KLHL29: variants seen among roughly 807,000 people sequenced by gnomAD.
KLHL29 encodes kelch-like protein 29.
KLHL29 carries 21 observed loss-of-function variants against 80.4 expected under a neutral mutation model. That is an observed-to-expected ratio of 0.26 (90% CI 0.19 to 0.38). The LOEUF (loss-of-function observed/expected upper bound fraction) is 0.38, where lower values mean the gene tolerates loss of function less well. Ranked by LOEUF, KLHL29 falls within the 10% of genes least tolerant of loss-of-function variation. The pLI is 1.00. For synonymous variants in KLHL29, 511 were observed against 526.8 expected, an observed-to-expected ratio of 0.97 and a Z score of 0.41; for missense variants, 867 against 1,223.9, an observed-to-expected ratio of 0.71 and a Z score of 4.35.
intron 2 of KLHL29, among the ~76,000 whole-genome samples, chr2:23,525,729 C>G (rs895193178): frequency 9.1e-5 from 5 of 54,780 alleles, no homozygotes; most frequent in African/African-American, 1.8e-4. Context: ...AGCCCCTGCC[C>G]CCCCCCCCCA....
At chr2:23,533,705 T>C (rs1666574334) in intron 2 of KLHL29, among the ~76,000 whole-genome samples, 1 of 152,148 alleles carries the variant, frequency 6.6e-6, no homozygotes, top group African/African-American at 2.4e-5. Context: ...ACAGTGTAAA[T>C]AAGAATTGGG....
intron 3 of KLHL29, among the ~76,000 whole-genome samples, chr2:23,593,564 G>T (rs962743864): frequency 6.6e-6 from 1 of 152,130 alleles, no homozygotes; most frequent in Non-Finnish European, 1.5e-5. Context: ...CTGTGGGGTG[G>T]TTCCTCTCAC....
intron 1 of KLHL29, among the ~76,000 whole-genome samples, chr2:23,390,576 A>G (rs1666294754): frequency 6.6e-6 from 1 of 151,924 alleles, no homozygotes; most frequent in South Asian, 2.1e-4. Flanking sequence ...ATATATAGTT[A>G]TATATACACA....
At chr2:23,467,295 G>C (rs1664379468) in intron 1 of KLHL29, among the ~76,000 whole-genome samples, 1 of 152,210 alleles carries the variant, frequency 6.6e-6, no homozygotes, top group Non-Finnish European at 1.5e-5. Flanking sequence ...TACACACATT[G>C]GTAGAGACCA....
At chr2:23,426,138 G>T (rs1662998154) in intron 1 of KLHL29, among the ~76,000 whole-genome samples, 1 of 152,178 alleles carries the variant, frequency 6.6e-6, no homozygotes, top group South Asian at 2.1e-4. Flanking sequence ...GGTTCTGGAA[G>T]GCTGTGGGAA....
chr2:23,393,906 C>T lies in KLHL29; in HGVS notation c.-154+8126C>T, dbSNP rs192212968. On this transcript the variant is annotated intron_variant, in intron 1 of 13. Coordinates refer to ENST00000486442, the MANE Select transcript of KLHL29 (RefSeq NM_052920.2). ...TGTGTAGCTCTGCTGCCGCCCCTCCCTTCCCCCTGGGCTTGTCTCTACCCT... is the reference window on the plus strand; with the variant it reads ...TGTGTAGCTCTGCTGCCGCCCCTCCTTTCCCCCTGGGCTTGTCTCTACCCT... Among the ~76,000 whole-genome samples, 247 of 152,290 alleles carry T rather than the reference C, an allele frequency of 1.6e-3. 4 individuals carry two copies. The highest frequency in any genetic ancestry group is 5.7e-3 in the African/African-American group (238 of 41,558).
chr2:23,401,938 C>T (rs1666608155), intron 1 of KLHL29, among the ~76,000 whole-genome samples: 1 of 152,232 alleles, frequency 6.6e-6, no homozygotes, highest in Non-Finnish European at 1.5e-5. Flanking sequence ...CTGACTTGAC[C>T]ATGTGCTCCT....
In KLHL29 at chr2:23,559,164, C is replaced by T. The variant is rs543385685; in HGVS notation, c.-45-2988C>T. On this transcript the variant is annotated intron_variant, in intron 2 of 13. Transcript: ENST00000486442. Reference sequence around the variant, plus strand: ...GCAAAAGAGCAGCGTGGACTTGGACCCTGAGCTGAAAGGGGACATGAGGCT... The same window carrying T: ...GCAAAAGAGCAGCGTGGACTTGGACTCTGAGCTGAAAGGGGACATGAGGCT... 5.9e-5 allele frequency among the ~76,000 whole-genome samples: 9 copies of T among 152,168 alleles called. 1 individual carries two copies. The South Asian group carries it at 1.7e-3, about 28-fold the overall frequency.
chr2:23,513,731 A>T (rs1304202479), intron 2 of KLHL29, among the ~76,000 whole-genome samples: 2 of 152,124 alleles, frequency 1.3e-5, no homozygotes, highest in African/African-American at 4.8e-5. Context: ...AGTGCTGGGC[A>T]TTAGGATCGA....
intron 1 of KLHL29, among the ~76,000 whole-genome samples, chr2:23,468,650 C>T (rs942703085): frequency 6.6e-6 from 1 of 152,160 alleles, no homozygotes; most frequent in Non-Finnish European, 1.5e-5. Flanking sequence ...TCCCCACGGC[C>T]GTCTCCAGCC....
At chr2:23,491,386 C>G (rs1186818814) in intron 2 of KLHL29, among the ~76,000 whole-genome samples, 2 of 152,184 alleles carry the variant, frequency 1.3e-5, no homozygotes. Flanking sequence ...GTATGAGTTC[C>G]TGTAGTGATG....
intron 5 of KLHL29, among the ~76,000 whole-genome samples, chr2:23,676,685 GT>G (rs1441579992): frequency 6.6e-6 from 1 of 152,206 alleles, no homozygotes; most frequent in African/African-American, 2.4e-5. Flanking sequence ...TAGGAAGCAA[GT>G]GTAGGAGAAA....
chr2:23,423,390 T>C (rs1662899093), intron 1 of KLHL29, among the ~76,000 whole-genome samples: 1 of 152,208 alleles, frequency 6.6e-6, no homozygotes, highest in Non-Finnish European at 1.5e-5. Context: ...CCTTCCGCCC[T>C]GCCCTGAGAG....
chr2:23,498,126 T>TC (rs1233845930), intron 2 of KLHL29, among the ~76,000 whole-genome samples: 3 of 152,310 alleles, frequency 2.0e-5, no homozygotes, highest in Non-Finnish European at 4.4e-5. Flanking sequence ...TTAGCAAACT[T>TC]CCAGCATACA....
At chr2:23,615,040 CT>C (rs1668967569) in intron 3 of KLHL29, among the ~76,000 whole-genome samples, 1 of 152,250 alleles carries the variant, frequency 6.6e-6, no homozygotes, top group African/African-American at 2.4e-5. Context: ...GCTTAGCCCT[CT>C]CCCTAGAACC....
rs1436930605 is a variant in KLHL29 at position 23,609,026 on chromosome 2, CTG to C, written c.286-30112_286-30111del. The stretch of plus-strand genomic sequence containing the variant: ...AGAGCTCATTCGAGAAGATTCTCCA[CTG>C]AGAGTTGAAGTCAGTCACTGGGTTC... On this transcript the variant is annotated intron_variant, in intron 3 of 13. Transcript: ENST00000486442. 2.0e-5 allele frequency among the ~76,000 whole-genome samples: 3 copies of C among 152,222 alleles called. No homozygotes were observed. The East Asian group carries it at 5.8e-4, about 29-fold the overall frequency.
At chr2:23,587,953 A>T (rs1668160156) in intron 3 of KLHL29, among the ~76,000 whole-genome samples, 1 of 152,124 alleles carries the variant, frequency 6.6e-6, no homozygotes, top group Non-Finnish European at 1.5e-5. Context: ...AATTTTTCTC[A>T]TGTGTCTTCC....
At chr2:23,523,560 C>G (rs1666176834) in intron 2 of KLHL29, among the ~76,000 whole-genome samples, 1 of 152,202 alleles carries the variant, frequency 6.6e-6, no homozygotes, top group East Asian at 1.9e-4. Context: ...GAAGCCACGT[C>G]TGATTTGGAT....
Position 23,677,574 on chromosome 2 carries a change from G to A in KLHL29, c.941-6825G>A, listed in dbSNP as rs1313534440. ...CTGTCTCACCTGGAAGCTGGAGCCC[G>A]CTCTTGGCCTTCAGGGTTTATTCTG... On this transcript the variant is annotated intron_variant, in intron 5 of 13. Transcript: ENST00000486442. 5.9e-5 allele frequency among the ~76,000 whole-genome samples: 9 copies of A among 152,226 alleles called. No homozygotes were observed. The South Asian group carries it at 1.4e-3, about 25-fold the overall frequency.
Sources: allele counts gnomAD v4.1 joint callset (sites outside exome capture counted in the v4.1 genomes callset), GRCh38; gene constraint gnomAD v4.1.1; transcripts MANE v1.5; gene names NCBI Gene and HGNC (gene_info 2026-07-23, HGNC 2026-07-21).